The following PAPPA2 variants were observed in gnomAD, a reference collection of about 807,000 sequenced individuals.
PAPPA2 encodes the protein pappalysin 2.
In PAPPA2, 86 loss-of-function variants were observed where a neutral mutation model predicts 176.4. The ratio of observed to expected loss-of-function variants is 0.49; its 90% CI spans 0.41 to 0.58. PAPPA2 has a LOEUF of 0.58. Ranked by LOEUF, PAPPA2 falls within the 20% of genes least tolerant of loss-of-function variation. The pLI is 0.00. For synonymous variants in PAPPA2, 809 were observed against 852.2 expected (o/e 0.95, Z 0.88); for missense variants, 2,073 against 2,256.9 (o/e 0.92, Z 1.65).
rs1259469777 is a variant in PAPPA2 at position 176,709,924 on chromosome 1, A to AT, written c.3458-52dup. ...AAGTGTTGTGGACATTCCCATGTTC[A>AT]TTTTTTTCATGACATTTATGAAAAC... On this transcript the variant is annotated intron_variant, in intron 10 of 22. Coordinates refer to ENST00000367662, the MANE Select transcript of PAPPA2 (RefSeq NM_020318.3). The AT allele has an allele frequency of 1.9e-4, 274 of 1,467,620 alleles. 1 individual carries two copies. Among genetic ancestry groups the AT allele is most frequent in the Non-Finnish European group, 1.7e-4 (186 of 1,076,304 alleles). 90.9% of individuals were successfully genotyped at this position (1,467,620 alleles called of 1,614,324 possible).
chr1:176,530,283 A>G (rs1649739701), intron 1 of PAPPA2, among the ~76,000 whole-genome samples: 2 of 152,220 alleles, frequency 1.3e-5, no homozygotes, highest in African/African-American at 2.4e-5. Flanking sequence ...ACCTTTGGCT[A>G]AAGTCAGGAG....
chr1:176,509,941 G>C (rs1648489714), intron 1 of PAPPA2, among the ~76,000 whole-genome samples: 1 of 152,078 alleles, frequency 6.6e-6, no homozygotes, highest in Non-Finnish European at 1.5e-5. Flanking sequence ...GGCTGAGGCA[G>C]GAAGATCGCC....
intron 1 of PAPPA2, among the ~76,000 whole-genome samples, chr1:176,505,681 G>A (rs918161918): frequency 1.3e-5 from 2 of 151,764 alleles, no homozygotes; most frequent in African/African-American, 4.8e-5. Context: ...ACAACAAAAA[G>A]CCTGAATAGC....
intron 3 of PAPPA2, among the ~76,000 whole-genome samples, chr1:176,635,960 C>G (rs1234988492): frequency 4.6e-5 from 7 of 152,094 alleles, no homozygotes; most frequent in Non-Finnish European, 2.9e-5. Context: ...AGAATGAATC[C>G]TGGAAACCCA....
chr1:176,634,972 T>C (rs971602965), intron 3 of PAPPA2, among the ~76,000 whole-genome samples: 9 of 131,664 alleles, frequency 6.8e-5, no homozygotes, highest in Admixed American at 2.2e-4. Context: ...GATAAATAGA[T>C]AGATAGATAG....
chr1:176,574,681 G>A (rs964175835), intron 2 of PAPPA2, among the ~76,000 whole-genome samples: 4 of 152,154 alleles, frequency 2.6e-5, no homozygotes, highest in African/African-American at 9.7e-5. Flanking sequence ...TGACTACCTA[G>A]GTAGCTTTTA....
chr1:176,842,495 T>C lies in PAPPA2; in HGVS notation c.*41T>C. 1 of 1,574,550 alleles carries C rather than the reference T, an allele frequency of 6.4e-7. No individual in the cohort carries two copies. The highest frequency in any genetic ancestry group is 2.2e-5 in the East Asian group (1 of 44,578). On this transcript the variant is annotated 3_prime_UTR_variant, in exon 23 of 23. Coordinates refer to ENST00000367662, the MANE Select transcript of PAPPA2 (RefSeq NM_020318.3). ...CCTCCCTCCACTGCCTCAGAGGCAG[T>C]AAGAAAGAGAGGCCGACCCAGGAGG...
chr1:176,533,309 A>G (rs1649910293), intron 1 of PAPPA2, among the ~76,000 whole-genome samples: 1 of 152,224 alleles, frequency 6.6e-6, no homozygotes, highest in African/African-American at 2.4e-5. Flanking sequence ...GAGCAAGTAC[A>G]TGGTTCTGCT....
At chr1:176,467,902 ACT>A (rs1299717880) in intron 1 of PAPPA2, among the ~76,000 whole-genome samples, 1 of 151,934 alleles carries the variant, frequency 6.6e-6, no homozygotes, top group Non-Finnish European at 1.5e-5. Flanking sequence ...AAATCAAGAC[ACT>A]CTCTGTACAG....
chr1:176,805,084 T>A (rs1665843585), intron 21 of PAPPA2, among the ~76,000 whole-genome samples: 1 of 147,760 alleles, frequency 6.8e-6, no homozygotes, highest in Admixed American at 6.7e-5. Flanking sequence ...CCTTCCTTCC[T>A]TCCTTCCTTT....
intron 1 of PAPPA2, among the ~76,000 whole-genome samples, chr1:176,477,086 C>G (rs1652162921): frequency 6.6e-6 from 1 of 152,212 alleles, no homozygotes; most frequent in Admixed American, 6.5e-5. Context: ...GCCTTTCAAT[C>G]TCATCTAACT....
At chr1:176,699,683 A>G in intron 8 of PAPPA2, 94 bp downstream of exon 8, 5 of 1,487,644 alleles carry the variant, frequency 3.4e-6, no homozygotes, top group Non-Finnish European at 4.5e-6. Flanking sequence ...CCATGCCCTT[A>G]GTCGGAGGAA....
Position 176,706,398 on chromosome 1 carries a change from C to T in PAPPA2, c.3405C>T (p.Ser1135=), listed in dbSNP as rs757938065. 1.2e-5 allele frequency: 19 copies of T among 1,613,716 alleles called. No homozygotes were observed. Among genetic ancestry groups the T allele is most frequent in the South Asian group, 3.3e-5 (3 of 91,080 alleles). Residue 1135 remains serine (S), a synonymous_variant, in exon 10 of 23, where the codon AGC becomes AGT. Coordinates refer to ENST00000367662, the MANE Select transcript of PAPPA2 (RefSeq NM_020318.3). ...GEECDDGDLV[S]GDGCSKVCEL... is the part of the protein sequence containing the mutation. Reference sequence around the variant, plus strand: ...AGTGTGATGATGGAGACCTTGTGAGCGGAGATGGCTGCTCCAAGGTGTGTG... The same window carrying T: ...AGTGTGATGATGGAGACCTTGTGAGTGGAGATGGCTGCTCCAAGGTGTGTG...
At chr1:176,758,127 C>A (rs975886203) in intron 14 of PAPPA2, among the ~76,000 whole-genome samples, 2 of 152,146 alleles carry the variant, frequency 1.3e-5, no homozygotes, top group African/African-American at 2.4e-5. Flanking sequence ...TTCTATCATG[C>A]GAAGGAAGAA....
intron 1 of PAPPA2, among the ~76,000 whole-genome samples, chr1:176,514,002 T>A (rs998854679): frequency 4.6e-5 from 7 of 152,198 alleles, no homozygotes; most frequent in Non-Finnish European, 8.8e-5. Flanking sequence ...GATGGAGGCT[T>A]ATTACCACAA....
chr1:176,467,203 C>T (rs939190443), intron 1 of PAPPA2, among the ~76,000 whole-genome samples: 1 of 152,142 alleles, frequency 6.6e-6, no homozygotes, highest in Non-Finnish European at 1.5e-5. Flanking sequence ...TGTATCTAAA[C>T]ACCTCCAAAC....
intron 1 of PAPPA2, among the ~76,000 whole-genome samples, chr1:176,469,457 A>G (rs1025193071): frequency 6.6e-6 from 1 of 152,172 alleles, no homozygotes; most frequent in African/African-American, 2.4e-5. Context: ...TGAGTGGAAC[A>G]TGGAAAACGG....
intron 21 of PAPPA2, among the ~76,000 whole-genome samples, chr1:176,832,668 A>G (rs1667123248): frequency 6.6e-6 from 1 of 152,124 alleles, no homozygotes; most frequent in African/African-American, 2.4e-5. Context: ...CTGTGCTTTT[A>G]ATCACCATAC....
intron 3 of PAPPA2, among the ~76,000 whole-genome samples, chr1:176,650,761 G>A (rs1438490499): frequency 7.1e-6 from 1 of 141,134 alleles, no homozygotes; most frequent in Non-Finnish European, 1.6e-5. Flanking sequence ...TTTTCTGGTT[G>A]CTTCATATTT....
Sources: allele counts gnomAD v4.1 joint callset (sites outside exome capture counted in the v4.1 genomes callset), GRCh38; gene constraint gnomAD v4.1.1; transcripts MANE v1.5; gene names NCBI Gene and HGNC (gene_info 2026-07-23, HGNC 2026-07-21).